ADAMTS19: variants seen among roughly 807,000 people sequenced by gnomAD.
ADAMTS19 encodes the protein A disintegrin and metalloproteinase with thrombospondin motifs 19.
In ADAMTS19, 93 loss-of-function variants were observed where a neutral mutation model predicts 153.3. The ratio of observed to expected loss-of-function variants is 0.61; its 90% CI spans 0.51 to 0.72. The LOEUF is 0.72. Ranked by LOEUF, ADAMTS19 falls within the 30% of genes least tolerant of loss-of-function variation. The pLI is 0.00. For missense variants in ADAMTS19, 1,482 were observed against 1,552.1 expected (o/e 0.95, Z 0.76); for synonymous variants, 600 against 556.6 (o/e 1.08, Z -1.10).
At chr5:129,507,509 T>C (rs1395835886) in intron 2 of ADAMTS19, among the ~76,000 whole-genome samples, 1 of 152,096 alleles carries the variant, frequency 6.6e-6, no homozygotes, top group South Asian at 2.1e-4. Context: ...AAAATATGTA[T>C]GGAAAATGAA....
intron 2 of ADAMTS19, among the ~76,000 whole-genome samples, chr5:129,462,901 G>T (rs909474203): frequency 1.3e-5 from 2 of 152,122 alleles, no homozygotes; most frequent in Admixed American, 6.5e-5. Flanking sequence ...AAATCCAACA[G>T]CAGTGGATAG....
intron 22 of ADAMTS19, 111 bp from the exon 23 acceptor site, chr5:129,736,956 A>C (rs564820337): frequency 9.5e-7 from 1 of 1,052,448 alleles, no homozygotes; most frequent in Non-Finnish European, 1.3e-6. Context: ...AGGTAATATA[A>C]ATGAACCAAA....
intron 10 of ADAMTS19, among the ~76,000 whole-genome samples, chr5:129,640,392 T>A (rs1752739633): frequency 6.6e-6 from 1 of 152,152 alleles, no homozygotes; most frequent in African/African-American, 2.4e-5. Flanking sequence ...TGAAAGAATG[T>A]ATGTTTCAAA....
In ADAMTS19 at chr5:129,550,916, A is replaced by C. The variant is rs547281529; in HGVS notation, c.1329-948A>C. Among the ~76,000 whole-genome samples, 255 of 151,830 alleles carry C rather than the reference A, an allele frequency of 1.7e-3. 1 individual carries two copies. The highest frequency in any genetic ancestry group is 1.0e-4 in the Non-Finnish European group (7 of 67,702). On this transcript the variant is annotated intron_variant, in intron 6 of 22. Transcript: ENST00000274487. ...GATACACTAATAGCAGCAATAAAAA[A>C]AATCCCCAACCAAAACATCACAACT...
chr5:129,483,165 A>T (rs781706188), intron 2 of ADAMTS19, among the ~76,000 whole-genome samples: 4 of 152,192 alleles, frequency 2.6e-5, no homozygotes, highest in Admixed American at 1.3e-4. Context: ...GCCATATAAT[A>T]ATCCATCATA....
intron 12 of ADAMTS19, 144 bp from the exon 13 acceptor site, chr5:129,648,651 GCTA>G (rs1753175521): frequency 2.1e-6 from 1 of 482,204 alleles, no homozygotes; most frequent in Non-Finnish European, 3.6e-6. Context: ...ATATGAATTT[GCTA>G]CTACTATCAT....
intron 2 of ADAMTS19, among the ~76,000 whole-genome samples, chr5:129,469,541 T>C (rs1160513712): frequency 6.6e-6 from 1 of 152,176 alleles, no homozygotes; most frequent in East Asian, 1.9e-4. Context: ...CTTATAGTTG[T>C]CAATTTTAGA....
Position 129,638,995 on chromosome 5 carries a change from A to C in ADAMTS19, c.1771-2864A>C, listed in dbSNP as rs150273585. Among the ~76,000 whole-genome samples, 656 of 152,316 alleles carry C rather than the reference A, an allele frequency of 4.3e-3. 3 individuals are homozygous for C. Among genetic ancestry groups the C allele is most frequent in the East Asian group, 0.025 (131 of 5,186 alleles). On this transcript the variant is annotated intron_variant, in intron 10 of 22. Transcript: ENST00000274487. ...TCCAAGTACATATTATATTCTTTTA[A>C]TAAACTCTTTTTACTATAGAAGCAT...
intron 2 of ADAMTS19, among the ~76,000 whole-genome samples, chr5:129,492,030 A>C (rs1750786590): frequency 6.6e-6 from 1 of 152,174 alleles, no homozygotes; most frequent in Admixed American, 6.5e-5. Context: ...AGACCAGGTA[A>C]TTTATAAAGA....
At chr5:129,639,537 G>A (rs30688) in intron 10 of ADAMTS19, among the ~76,000 whole-genome samples, 62,889 of 151,924 alleles carry the variant, frequency 0.41, 14,377 homozygotes, top group African/African-American at 0.62. Context: ...TATGCTCTGA[G>A]TGTCTCAAGT....
chr5:129,608,284 AC>A (rs1159515617), intron 8 of ADAMTS19, among the ~76,000 whole-genome samples: 1 of 151,722 alleles, frequency 6.6e-6, no homozygotes, highest in Non-Finnish European at 1.5e-5. Flanking sequence ...GTGGAATCTG[AC>A]AAAAACAAAG....
chr5:129,658,782 T>C, intron 15 of ADAMTS19, 45 bp downstream of exon 15: 2 of 1,546,146 alleles, frequency 1.3e-6, no homozygotes, highest in Non-Finnish European at 1.8e-6. Flanking sequence ...CCTGCAATCT[T>C]TGGGAACACA....
intron 2 of ADAMTS19, among the ~76,000 whole-genome samples, chr5:129,471,913 A>C (rs1014274604): frequency 6.6e-6 from 1 of 152,220 alleles, no homozygotes; most frequent in Non-Finnish European, 1.5e-5. Context: ...ACAGTGTTCT[A>C]TAGTGTGTAT....
intron 3 of ADAMTS19, among the ~76,000 whole-genome samples, chr5:129,522,316 T>TATATATACACACACACACACACAC (rs1249492013): frequency 1.1e-5 from 1 of 91,968 alleles, no homozygotes; most frequent in African/African-American, 4.7e-5. Flanking sequence ...TATATATATA[T>TATATATACACACACACACACACAC]ACACACACAC....
chr5:129,666,754 A>T (rs1467372440), intron 16 of ADAMTS19, among the ~76,000 whole-genome samples: 2 of 152,230 alleles, frequency 1.3e-5, no homozygotes, highest in East Asian at 1.9e-4. Context: ...ATACAGATTA[A>T]AAGTCCTGAT....
intron 7 of ADAMTS19, among the ~76,000 whole-genome samples, chr5:129,576,055 AG>A (rs1754086996): frequency 7.0e-6 from 1 of 142,650 alleles, no homozygotes; most frequent in African/African-American, 2.5e-5. Flanking sequence ...GCGGGGAGGA[AG>A]GGGGTGGGTG....
chr5:129,517,495 T>A (rs1323021443), intron 3 of ADAMTS19, among the ~76,000 whole-genome samples: 1 of 151,974 alleles, frequency 6.6e-6, no homozygotes, highest in Non-Finnish European at 1.5e-5. Flanking sequence ...TATTTAAAAT[T>A]GTTATATCCT....
At chr5:129,582,598 A>C (rs910806917) in intron 7 of ADAMTS19, among the ~76,000 whole-genome samples, 1 of 151,930 alleles carries the variant, frequency 6.6e-6, no homozygotes. Context: ...TTTGAGACGG[A>C]GTCTCACTCT....
At chr5:129,669,482 A>G (rs187491211) in intron 16 of ADAMTS19, among the ~76,000 whole-genome samples, 1 of 152,092 alleles carries the variant, frequency 6.6e-6, no homozygotes, top group East Asian at 1.9e-4. Flanking sequence ...GATTTTAGTA[A>G]TTTGAGTCTT....
Sources: gnomAD v4.1 joint callset for allele counts (sites outside exome capture counted in the v4.1 genomes callset) on GRCh38, gnomAD v4.1.1 for gene constraint, MANE v1.5 for transcripts, NCBI Gene and HGNC (gene_info 2026-07-23, HGNC 2026-07-21) for gene names.